Variants in SLC25A48 observed in about 807,000 individuals in gnomAD.
SLC25A48 encodes the protein solute carrier family 25 member 48.
In SLC25A48, 29 loss-of-function variants were observed where a neutral mutation model predicts 32.2. That is an observed-to-expected ratio of 0.90 (90% confidence interval 0.67 to 1.23). The LOEUF (loss-of-function observed/expected upper bound fraction) is 1.23. Among genes scored for constraint, SLC25A48 ranks in the 50% most tolerant of loss-of-function variants. The pLI is 0.00. For synonymous variants in SLC25A48, 164 were observed against 172.3 expected (o/e 0.95, Z 0.38); for missense variants, 399 against 422.7 (o/e 0.94, Z 0.49).
intron 3 of SLC25A48, among the ~76,000 whole-genome samples, chr5:135,734,821 C>CAAAA (rs1186711507): frequency 9.4e-5 from 11 of 116,770 alleles, no homozygotes; most frequent in South Asian, 2.9e-4. Flanking sequence ...CATCTCAAAA[C>CAAAA]AAAAAAAAAA....
rs966073970 is a variant in SLC25A48, at chr5:135,646,678, T to TATATACAC, written c.-521+11723_-521+11724insTATACACA. On this transcript the variant is annotated intron_variant, in intron 3 of 10. Transcript: ENST00000646290. ...TTCCCATTATATATATATATATATATACAATGGGAAGGACATAATGCTAAG... is the reference window on the plus strand; with the variant it reads ...TTCCCATTATATATATATATATATATATATACACACAATGGGAAGGACATAATGCTAAG... Among the ~76,000 whole-genome samples the TATATACAC allele has an allele frequency of 1.1e-4, 15 of 136,772 alleles. 1 individual carries two copies. Among genetic ancestry groups the TATATACAC allele is most frequent in the African/African-American group, 4.1e-4 (15 of 36,486 alleles). The allele number at this position is 136,772 out of a possible 152,430, so 89.7% of individuals were successfully genotyped here.
intron 3 of SLC25A48, among the ~76,000 whole-genome samples, chr5:135,743,830 C>T (rs111785585): frequency 3.9e-5 from 6 of 152,232 alleles, no homozygotes; most frequent in African/African-American, 1.4e-4. Context: ...TTTGATGGCC[C>T]CTAAACCTTT....
chr5:135,857,089 C>A (rs1264501268), intron 4 of SLC25A48, among the ~76,000 whole-genome samples: 1 of 152,230 alleles, frequency 6.6e-6, no homozygotes, highest in Non-Finnish European at 1.5e-5. Context: ...GGGGCCCTCA[C>A]CCAGCTGGGA....
In SLC25A48 at chr5:135,716,518, A is replaced by AG. The variant is rs534182491; in HGVS notation, c.-521+81562_-521+81563insG. On this transcript the variant is annotated intron_variant, in intron 3 of 10. Coordinates refer to the SLC25A48 transcript ENST00000646290. ...GAGGGACCAGACATTCTCTGCTCTC[A>AG]CTGCGGATCATTTCCTGCACCTTAG... 4.2e-3 allele frequency among the ~76,000 whole-genome samples: 637 copies of AG among 152,280 alleles called. 3 individuals are homozygous for AG. Among genetic ancestry groups the AG allele is most frequent in the Non-Finnish European group, 5.8e-3 (395 of 67,998 alleles).
At chr5:135,657,330 T>G (rs1753276662) in intron 3 of SLC25A48, among the ~76,000 whole-genome samples, 1 of 152,218 alleles carries the variant, frequency 6.6e-6, no homozygotes, top group African/African-American at 2.4e-5. Context: ...CCTGGTTTGG[T>G]GAAAGATGTT....
chr5:135,859,710 T>C (rs977588244), intron 4 of SLC25A48, among the ~76,000 whole-genome samples: 9 of 152,128 alleles, frequency 5.9e-5, no homozygotes, highest in Admixed American at 3.9e-4. Flanking sequence ...TGGAAAATTG[T>C]CCTCCTATGC....
intron 3 of SLC25A48, among the ~76,000 whole-genome samples, chr5:135,740,451 G>A (rs1458878119): frequency 3.9e-5 from 6 of 152,142 alleles, no homozygotes; most frequent in African/African-American, 7.2e-5. Context: ...TGCCTTGGGC[G>A]GGGGGTGCAT....
At chr5:135,727,678 T>A (rs748793469) in intron 3 of SLC25A48, among the ~76,000 whole-genome samples, 1 of 152,192 alleles carries the variant, frequency 6.6e-6, no homozygotes, top group Non-Finnish European at 1.5e-5. Context: ...TCTCTGTTGA[T>A]CTGTGTTTGT....
intron 3 of SLC25A48, chr5:135,650,198 T>C (rs1753073528): frequency 2.2e-5 from 6 of 267,886 alleles, no homozygotes; most frequent in South Asian, 9.7e-5. Context: ...TCCAACCTCA[T>C]AGTCCTTGCT....
At chr5:135,631,700 C>T (rs17735434) in intron 2 of SLC25A48, among the ~76,000 whole-genome samples, 15,857 of 152,180 alleles carry the variant, frequency 0.1, 1,094 homozygotes, top group Admixed American at 0.16. Context: ...CAACTGTAAT[C>T]GCAGAAGAGT....
At chr5:135,803,980 T>G (rs908546335) in intron 3 of SLC25A48, among the ~76,000 whole-genome samples, 1 of 151,462 alleles carries the variant, frequency 6.6e-6, no homozygotes, top group Non-Finnish European at 1.5e-5. Flanking sequence ...GATACTACTC[T>G]TAGGAAGATG....
intron 3 of SLC25A48, among the ~76,000 whole-genome samples, chr5:135,696,604 A>G (rs917717491): frequency 6.6e-6 from 1 of 152,180 alleles, no homozygotes; most frequent in African/African-American, 2.4e-5. Context: ...AAGCAAATCC[A>G]CACAATGGAA....
chr5:135,593,111 A>G (rs1024051885), intron 1 of SLC25A48, among the ~76,000 whole-genome samples: 13 of 152,136 alleles, frequency 8.5e-5, no homozygotes, highest in African/African-American at 2.9e-4. Flanking sequence ...CTGAGGACTC[A>G]GAGCACACTC....
chr5:135,723,571 C>A (rs983686600), intron 3 of SLC25A48, among the ~76,000 whole-genome samples: 1 of 148,862 alleles, frequency 6.7e-6, no homozygotes, highest in Non-Finnish European at 1.5e-5. Flanking sequence ...CAAAACCACA[C>A]TGTAAAACCA....
At chr5:135,600,030 C>T (rs1022765480) in intron 1 of SLC25A48, among the ~76,000 whole-genome samples, 2 of 152,184 alleles carry the variant, frequency 1.3e-5, no homozygotes, top group African/African-American at 4.8e-5. Context: ...GGCCAACCCC[C>T]TTGGGGCTCA....
At chr5:135,756,045 A>G (rs747938380) in intron 3 of SLC25A48, among the ~76,000 whole-genome samples, 2 of 152,050 alleles carry the variant, frequency 1.3e-5, no homozygotes, top group East Asian at 1.9e-4. Flanking sequence ...TCTAGTGTCA[A>G]TACATTATGG....
chr5:135,705,305 G>C (rs1405751693), intron 3 of SLC25A48, among the ~76,000 whole-genome samples: 1 of 152,240 alleles, frequency 6.6e-6, no homozygotes, highest in Admixed American at 6.5e-5. Context: ...TGCTGTCACT[G>C]TTGATAAATG....
chr5:135,798,030 G>A (rs534790315), intron 3 of SLC25A48, among the ~76,000 whole-genome samples: 29 of 151,776 alleles, frequency 1.9e-4, no homozygotes, highest in East Asian at 1.2e-3. Flanking sequence ...ACACCCTCCC[G>A]TGATATTCTT....
chr5:135,792,791 C>T (rs1424258088), intron 3 of SLC25A48, among the ~76,000 whole-genome samples: 1 of 150,330 alleles, frequency 6.7e-6, no homozygotes, highest in Non-Finnish European at 1.5e-5. Context: ...GATATTATTC[C>T]TAATATACTG....
Sources: allele counts gnomAD v4.1 joint callset (sites outside exome capture counted in the v4.1 genomes callset), GRCh38; gene constraint gnomAD v4.1.1; transcripts MANE v1.5; gene names NCBI Gene and HGNC (gene_info 2026-07-23, HGNC 2026-07-21).